Variants in SLC13A5 observed in about 807,000 individuals in gnomAD.
SLC13A5 encodes the protein Na(+)/citrate cotransporter.
SLC13A5 carries 25 observed loss-of-function variants against 56.5 expected under a neutral mutation model. The observed-to-expected ratio is 0.44, with a 90% CI of 0.32 to 0.62. The LOEUF (loss-of-function observed/expected upper bound fraction) is 0.62, where lower values mean the gene tolerates loss of function less well. SLC13A5 is among the 20% of genes least tolerant of loss of function. SLC13A5 has a pLI of 0.04. For missense variants in SLC13A5, 649 were observed against 737.8 expected (o/e 0.88, Z 1.39); for synonymous variants, 307 against 301.5 (o/e 1.02, Z -0.19).
At position 6,713,282 on chromosome 17, in the gene SLC13A5, A is replaced by G. The variant is rs1249830087; in HGVS notation, c.52T>C (p.Phe18Leu). Residue 18 changes from phenylalanine to leucine, a missense_variant, in exon 1 of 12, where the codon TTC becomes CTC. Phe to Leu is a conservative substitution (Grantham distance 22). Transcript: ENST00000433363. The surrounding 1 kb of genome is among the most constrained non-coding windows in gnomAD (Gnocchi z 7.3). ...GGCAGCAGCAGGAGCGGGGTGACGA[A>G]CAAGATCACGAAGGACTTGAACTTG... ...VSKFKSFVIL[F>L]VTPLLLLPLV... 8 of 1,613,930 alleles carry G rather than the reference A, an allele frequency of 5.0e-6. No individual in the cohort carries two copies. Among genetic ancestry groups the G allele is most frequent in the Admixed American group, 1.7e-5 (1 of 60,002 alleles).
In SLC13A5 at chr17:6,713,158, G is replaced by C. The variant is rs1443467425; in HGVS notation, c.102+74C>G. 6.8e-7 allele frequency: 1 copy of C among 1,471,014 alleles called. No individual in the cohort carries two copies. The highest frequency in any genetic ancestry group is 1.8e-5 in the Admixed American group (1 of 54,840). 91.1% of individuals were successfully genotyped at this position (1,471,014 alleles called of 1,614,324 possible). On this transcript the variant is annotated intron_variant, in intron 1 of 11. Transcript: ENST00000433363. This position sits in a 1 kb window ranked among gnomAD's most constrained non-coding sequence, Gnocchi z 7.3. ...CGAAATCCGTGCGCTCCAGCTCAGG[G>C]CTCCCGGGATCGGTGCCCGTTAGTG...
Position 6,687,522 on chromosome 17 carries a change from G to A in SLC13A5, c.1575+7C>T. On this transcript the variant is annotated splice_region_variant and intron_variant, in intron 11 of 11. Transcript: ENST00000433363. This position sits in a 1 kb window ranked among gnomAD's most constrained non-coding sequence, Gnocchi z 5.0. ...CCGACGGGAGTAAATAAAAACAGCT[G>A]TGTTACCATGTCAGCAACCTTGAGG... 4 of 1,613,666 alleles carry A rather than the reference G, an allele frequency of 2.5e-6. No individual in the cohort carries two copies. The highest frequency in any genetic ancestry group is 2.5e-6 in the Non-Finnish European group (3 of 1,179,868).
At chr17:6,710,176 G>A (rs1379100864) in intron 1 of SLC13A5, among the ~76,000 whole-genome samples, 1 of 152,236 alleles carries the variant, frequency 6.6e-6, no homozygotes, top group African/African-American at 2.4e-5. Flanking sequence ...GTGTCGGGGT[G>A]TACCCTGGGC....
At chr17:6,694,645 T>C (rs1054709857) in intron 7 of SLC13A5, among the ~76,000 whole-genome samples, 3 of 152,108 alleles carry the variant, frequency 2.0e-5, no homozygotes, top group African/African-American at 7.2e-5. Context: ...TATGGGAGAC[T>C]GAATCCTGGC....
At chr17:6,706,116 G>A (rs1361832460) in intron 3 of SLC13A5, among the ~76,000 whole-genome samples, 2 of 152,276 alleles carry the variant, frequency 1.3e-5, no homozygotes, top group Non-Finnish European at 2.9e-5. Context: ...TGGCTTAGCT[G>A]GAAATGGCTA....
At chr17:6,705,901 G>T (rs1278496846) in intron 3 of SLC13A5, among the ~76,000 whole-genome samples, 1 of 152,166 alleles carries the variant, frequency 6.6e-6, no homozygotes, top group Admixed American at 6.5e-5. Context: ...GTGTGTCCAT[G>T]AGCAAATCAC....
intron 8 of SLC13A5, among the ~76,000 whole-genome samples, chr17:6,693,808 A>G (rs1269209088): frequency 6.6e-6 from 1 of 152,242 alleles, no homozygotes; most frequent in Non-Finnish European, 1.5e-5. Context: ...AAAACAAAAA[A>G]TTGTGCTGAA....
intron 10 of SLC13A5, chr17:6,690,120 G>A (rs1017904641): frequency 2.6e-5 from 3 of 114,592 alleles, no homozygotes; most frequent in African/African-American, 3.2e-5. Flanking sequence ...TTTCCTATAA[G>A]CTCTGCTTTC....
In SLC13A5 at chr17:6,687,276, C is replaced by T; in HGVS notation, c.1575+253G>A. 1 of 463,264 alleles carries T rather than the reference C, an allele frequency of 2.2e-6. No individual in the cohort carries two copies. Among genetic ancestry groups the T allele is most frequent in the Non-Finnish European group, 3.8e-6 (1 of 265,640 alleles). The allele number at this position is 463,264 out of a possible 1,614,324, so 28.7% of individuals were successfully genotyped here. On this transcript the variant is annotated intron_variant, in intron 11 of 11. Coordinates refer to ENST00000433363, the MANE Select transcript of SLC13A5 (RefSeq NM_177550.5). The surrounding 1 kb of genome is among the most constrained non-coding windows in gnomAD (Gnocchi z 5.0). ...ACCCCTTCCAAGGACTCCCCTGGTGCCTGCACAGGCTTCTCCAGGTGGGAG... is the reference window on the plus strand; with the variant it reads ...ACCCCTTCCAAGGACTCCCCTGGTGTCTGCACAGGCTTCTCCAGGTGGGAG...
chr17:6,696,166 C>T lies in SLC13A5; in HGVS notation c.840-225G>A, dbSNP rs76041201. On this transcript the variant is annotated intron_variant, in intron 6 of 11. Transcript: ENST00000433363. ...TCTCTGTAGAGAGGCTAGAGGGTCT[C>T]GGCAGGTGCCCAGACACCTGGAGAC... Among the ~76,000 whole-genome samples the T allele has an allele frequency of 0.11, 16,412 of 152,202 alleles. 1,510 individuals carry two copies. The highest frequency in any genetic ancestry group is 0.52 in the East Asian group (2,676 of 5,162).
chr17:6,703,954 C>T lies in SLC13A5; in HGVS notation c.471G>A (p.Gln157=), dbSNP rs367895721. ...TGGCTGCGCTTGTGGCTTCCATCTGCTGCAATATGGCCTCCACGATGGGCA... is the reference window on the plus strand; with the variant it reads ...TGGCTGCGCTTGTGGCTTCCATCTGTTGCAATATGGCCTCCACGATGGGCA... ...MMVPIVEAIL[Q]QMEATSAATE... The change falls in exon 4 of 12, where the codon CAG becomes CAA. Residue 157 remains glutamine, a synonymous_variant. Coordinates refer to ENST00000433363, the MANE Select transcript of SLC13A5 (RefSeq NM_177550.5). The T allele has an allele frequency of 1.6e-5, 26 of 1,610,148 alleles. No homozygotes were observed. The highest frequency in any genetic ancestry group is 2.0e-5 in the Non-Finnish European group (23 of 1,177,638).
intron 1 of SLC13A5, among the ~76,000 whole-genome samples, chr17:6,708,685 G>A (rs1973935214): frequency 6.6e-6 from 1 of 152,222 alleles, no homozygotes; most frequent in Non-Finnish European, 1.5e-5. Flanking sequence ...TATTTACCCA[G>A]TTACAGCAGG....
Position 6,711,428 on chromosome 17 carries a change from T to TAC in SLC13A5, c.102+1802_102+1803dup, listed in dbSNP as rs1555543867. ...GCTTAATCTCTCTCTCTCTCTCTCT[T>TAC]ACACACACACACATACACACACATA... On this transcript the variant is annotated intron_variant, in intron 1 of 11. Coordinates refer to ENST00000433363, the MANE Select transcript of SLC13A5 (RefSeq NM_177550.5). This position sits in a 1 kb window ranked among gnomAD's most constrained non-coding sequence, Gnocchi z 4.0. 5.2e-5 allele frequency among the ~76,000 whole-genome samples: 7 copies of TAC among 135,052 alleles called. No homozygotes were observed. Among genetic ancestry groups the TAC allele is most frequent in the East Asian group, 5.1e-4 (2 of 3,938 alleles). The allele number at this position is 135,052 out of a possible 152,430, so 88.6% of individuals were successfully genotyped here.
chr17:6,704,235 C>T (rs1304639888), intron 3 of SLC13A5, 179 bp from the exon 4 acceptor site: 2 of 723,720 alleles, frequency 2.8e-6, no homozygotes, highest in Admixed American at 4.0e-5. Context: ...CCCTCCTTCC[C>T]TTCTTTGCTT....
Position 6,707,046 on chromosome 17 carries a change from C to T in SLC13A5, c.213G>A (p.Gln71=). The change falls in exon 2 of 12, where the codon CAG becomes CAA. Residue 71 remains glutamine, a synonymous_variant. Coordinates refer to ENST00000433363, the MANE Select transcript of SLC13A5 (RefSeq NM_177550.5). ...LMPVLLFPLF[Q]ILDSRQVCVQ... ...TGCTCACCTGCCTGGAGTCCAGAAT[C>T]TGGAAGAGTGGGAAAAGCAAGACAG... is the stretch of plus-strand genomic sequence containing the variant. The T allele has an allele frequency of 6.2e-7, 1 of 1,613,988 alleles. No homozygotes were observed. The highest frequency in any genetic ancestry group is 8.5e-7 in the Non-Finnish European group (1 of 1,180,032).
intron 2 of SLC13A5, 47 bp from the exon 3 acceptor site, chr17:6,706,825 A>G (rs746459386): frequency 6.2e-7 from 1 of 1,605,572 alleles, no homozygotes; most frequent in East Asian, 2.2e-5. Context: ...CTTGCCACAC[A>G]CTAGAGCCAC....
At position 6,711,816 on chromosome 17, in the gene SLC13A5, C is replaced by T. The variant is rs750388715; in HGVS notation, c.102+1416G>A. On this transcript the variant is annotated intron_variant, in intron 1 of 11. Coordinates refer to ENST00000433363, the MANE Select transcript of SLC13A5 (RefSeq NM_177550.5). This position sits in a 1 kb window ranked among gnomAD's most constrained non-coding sequence, Gnocchi z 4.0. The stretch of plus-strand genomic sequence containing the variant: ...CACTCCCTACCAGCAGAGCTGAAAT[C>T]GCAGCTCTCCTGCCTGGCTACTTCC... 6.6e-6 allele frequency among the ~76,000 whole-genome samples: 1 copy of T among 151,600 alleles called. No homozygotes were observed. The highest frequency in any genetic ancestry group is 1.5e-5 in the Non-Finnish European group (1 of 68,018).
intron 10 of SLC13A5, chr17:6,689,173 C>T (rs898491529): frequency 2.0e-5 from 3 of 152,318 alleles, no homozygotes; most frequent in African/African-American, 7.2e-5. Context: ...TTTAATGTTA[C>T]GGTTCCTGTT....
Position 6,692,952 on chromosome 17 carries a change from G to A in SLC13A5, c.1275+92C>T, listed in dbSNP as rs940964572. 1.0e-6 allele frequency: 1 copy of A among 975,804 alleles called. No homozygotes were observed. The highest frequency in any genetic ancestry group is 1.7e-6 in the Non-Finnish European group (1 of 601,192). 60.4% of individuals were successfully genotyped at this position (975,804 alleles called of 1,614,324 possible). A position where few individuals can be genotyped will look rare whatever the true frequency, so the allele number is the denominator to read the frequency against. On this transcript the variant is annotated intron_variant, in intron 9 of 11. Coordinates refer to ENST00000433363, the MANE Select transcript of SLC13A5 (RefSeq NM_177550.5). The surrounding 1 kb of genome is among the most constrained non-coding windows in gnomAD (Gnocchi z 5.5). The stretch of plus-strand genomic sequence containing the variant: ...CGGTTATACGAAGGATGCAGGCACA[G>A]AAACACACAAGCCCAGGGATGGAAG...
Sources: allele counts gnomAD v4.1 joint callset (sites outside exome capture counted in the v4.1 genomes callset), GRCh38; gene constraint gnomAD v4.1.1; non-coding constraint Gnocchi (gnomAD v3.1); transcripts MANE v1.5; gene names NCBI Gene and HGNC (gene_info 2026-07-23, HGNC 2026-07-21).